Variants in ACTN1 observed in about 807,000 individuals in gnomAD.
The protein encoded by ACTN1 is alpha-actinin-1.
Under a neutral mutation model 119.6 loss-of-function variants are expected in ACTN1, and 30 were observed. That is an observed-to-expected ratio of 0.25 (90% CI 0.19 to 0.34). The LOEUF (loss-of-function observed/expected upper bound fraction) is 0.34, where lower values mean the gene tolerates loss of function less well. Among genes scored for constraint, ACTN1 ranks in the 10% least tolerant of loss-of-function variants. The pLI is 1.00. For missense variants in ACTN1, 764 were observed against 1,223.4 expected (o/e 0.62, Z 5.60); for synonymous variants, 429 against 472.6 (o/e 0.91, Z 1.20).
Position 68,950,462 on chromosome 14 carries a change from G to GTGTGTATATATGTGTATATATATATA in ACTN1, c.106-24791_106-24790insTATATATATATACACATATATACACA. Among the ~76,000 whole-genome samples, 12 of 125,910 alleles carry GTGTGTATATATGTGTATATATATATA rather than the reference G, an allele frequency of 9.5e-5. 1 individual carries two copies. The highest frequency in any genetic ancestry group is 4.5e-4 in the African/African-American group (11 of 24,284). The allele number at this position is 125,910 out of a possible 152,430, so 82.6% of individuals were successfully genotyped here. A position where few individuals can be genotyped will look rare whatever the true frequency, so the allele number is the denominator to read the frequency against. On this transcript the variant is annotated intron_variant, in intron 1 of 21. Transcript: ENST00000394419. ...TTTACCATAATATATATGCGTGTGT[G>GTGTGTATATATGTGTATATATATATA]TATATATATATATATAAATCAAACA...
At chr14:68,939,837 C>G (rs1374131311) in intron 1 of ACTN1, among the ~76,000 whole-genome samples, 1 of 152,160 alleles carries the variant, frequency 6.6e-6, no homozygotes, top group Non-Finnish European at 1.5e-5. Flanking sequence ...TGTTCCAGGA[C>G]CCCGCTAAGC....
rs114483817 is a variant in ACTN1 at position 68,926,203 on chromosome 14, G to A, written c.106-531C>T. On this transcript the variant is annotated intron_variant, in intron 1 of 21. Transcript: ENST00000394419. ...TTCAGATGCAGGGTGTCAGGACAAG[G>A]GAGAAGAGTAAGCACCCCAATGTGT... 7.1e-3 allele frequency among the ~76,000 whole-genome samples: 1,083 copies of A among 152,328 alleles called. 8 individuals carry two copies. Among genetic ancestry groups the A allele is most frequent in the African/African-American group, 0.024 (1,013 of 41,564 alleles).
intron 1 of ACTN1, among the ~76,000 whole-genome samples, chr14:68,931,416 G>A (rs2035215972): frequency 6.6e-6 from 1 of 152,210 alleles, no homozygotes; most frequent in African/African-American, 2.4e-5. Context: ...CCCTTTGAGG[G>A]GAACTTTGGG....
At position 68,939,768 on chromosome 14, in the gene ACTN1, A is replaced by C. The variant is rs78729034; in HGVS notation, c.106-14096T>G. 9.1e-3 allele frequency among the ~76,000 whole-genome samples: 1,391 copies of C among 152,332 alleles called. 24 individuals are homozygous for C. The highest frequency in any genetic ancestry group is 0.032 in the African/African-American group (1,316 of 41,578). On this transcript the variant is annotated intron_variant, in intron 1 of 21. Coordinates refer to ENST00000394419, the MANE Select transcript of ACTN1 (RefSeq NM_001130004.2). Reference sequence around the variant, plus strand: ...ACCATGAAGTTGTATAAATGGGTTAATTGTATGGGTATGTGAATGACATCT... The same window carrying C: ...ACCATGAAGTTGTATAAATGGGTTACTTGTATGGGTATGTGAATGACATCT...
chr14:68,944,730 T>C (rs1341209745), intron 1 of ACTN1, among the ~76,000 whole-genome samples: 1 of 151,422 alleles, frequency 6.6e-6, no homozygotes, highest in Non-Finnish European at 1.5e-5. Flanking sequence ...GGCTGGGGAG[T>C]ATTAGATGAA....
At chr14:68,947,089 C>T (rs1323901084) in intron 1 of ACTN1, among the ~76,000 whole-genome samples, 1 of 152,228 alleles carries the variant, frequency 6.6e-6, no homozygotes, top group Non-Finnish European at 1.5e-5. Flanking sequence ...CCCAGACTGG[C>T]CCGATTATAA....
At chr14:68,949,629 A>G (rs8010531) in intron 1 of ACTN1, among the ~76,000 whole-genome samples, 50,394 of 152,164 alleles carry the variant, frequency 0.33, 10,565 homozygotes, top group African/African-American at 0.6. Context: ...ATTAAATGCA[A>G]GGACTCAAAC....
Position 68,879,116 on chromosome 14 carries a change from G to A in ACTN1, c.2281-47C>T, listed in dbSNP as rs1300904571. The A allele has an allele frequency of 6.4e-7, 1 of 1,561,310 alleles. No homozygotes were observed. The highest frequency in any genetic ancestry group is 8.7e-7 in the Non-Finnish European group (1 of 1,154,016). Reference sequence around the variant, plus strand: ...CAGCGAGCCATGCGGTGTCAGGGAGGTGGAGCCGTGAGGGGGGCATGCCCC... The same window carrying A: ...CAGCGAGCCATGCGGTGTCAGGGAGATGGAGCCGTGAGGGGGGCATGCCCC... On this transcript the variant is annotated intron_variant, in intron 18 of 21. Transcript: ENST00000394419. This position sits in a 1 kb window ranked among gnomAD's most constrained non-coding sequence, Gnocchi z 4.9.
rs1211328818 is a variant in ACTN1, at chr14:68,898,986, TCACACCA to T, written c.762+3484_762+3490del. ...ACACACACACCACACACGCCACACC[TCACACCA>T]CACACACCCTACACCTCACACCCAC... On this transcript the variant is annotated intron_variant, in intron 8 of 21. Transcript: ENST00000394419. Among the ~76,000 whole-genome samples, 121 of 106,148 alleles carry T rather than the reference TCACACCA, an allele frequency of 1.1e-3. 1 individual carries two copies. The highest frequency in any genetic ancestry group is 6.7e-3 in the Middle Eastern group (1 of 150). 69.6% of individuals were successfully genotyped at this position (106,148 alleles called of 152,430 possible).
chr14:68,898,396 C>T (rs534461515), intron 8 of ACTN1, among the ~76,000 whole-genome samples: 53 of 152,354 alleles, frequency 3.5e-4, no homozygotes, highest in Non-Finnish European at 6.3e-4. Context: ...TTATACAGCA[C>T]GTGCCTGTAC....
At chr14:68,962,152 G>A (rs2036561342) in intron 1 of ACTN1, among the ~76,000 whole-genome samples, 1 of 152,204 alleles carries the variant, frequency 6.6e-6, no homozygotes, top group Non-Finnish European at 1.5e-5. Flanking sequence ...TGCCAGAATG[G>A]CTGGCAGCTG....
chr14:68,948,559 A>C (rs2036020473), intron 1 of ACTN1, among the ~76,000 whole-genome samples: 1 of 152,120 alleles, frequency 6.6e-6, no homozygotes, highest in South Asian at 2.1e-4. Flanking sequence ...GCCTGGGCAA[A>C]ACAGCAAGAC....
intron 1 of ACTN1, among the ~76,000 whole-genome samples, chr14:68,952,088 G>A (rs1210732426): frequency 2.0e-5 from 3 of 152,236 alleles, no homozygotes; most frequent in African/African-American, 7.2e-5. Flanking sequence ...CAAGCTGAGA[G>A]CTGAGGGAGG....
intron 8 of ACTN1, among the ~76,000 whole-genome samples, chr14:68,901,432 G>A (rs976500727): frequency 2.6e-5 from 4 of 152,042 alleles, no homozygotes; most frequent in Non-Finnish European, 4.4e-5. Context: ...ATTTTTAGTA[G>A]AGACGGGGTT....
Position 68,909,065 on chromosome 14 carries a change from C to T in ACTN1, c.594+253G>A, listed in dbSNP as rs2033838110. 6.6e-6 allele frequency among the ~76,000 whole-genome samples: 1 copy of T among 152,210 alleles called. No individual in the cohort carries two copies. Among genetic ancestry groups the T allele is most frequent in the African/African-American group, 2.4e-5 (1 of 41,442 alleles). ...TCCATCCCTCTGACAAAGCTGCTGTCACAGCTGTGATATTTTCCTGATGGG... is the reference window on the plus strand; with the variant it reads ...TCCATCCCTCTGACAAAGCTGCTGTTACAGCTGTGATATTTTCCTGATGGG... On this transcript the variant is annotated intron_variant, in intron 6 of 21. Coordinates refer to ENST00000394419, the MANE Select transcript of ACTN1 (RefSeq NM_001130004.2). This position sits in a 1 kb window ranked among gnomAD's most constrained non-coding sequence, Gnocchi z 4.1.
intron 11 of ACTN1, among the ~76,000 whole-genome samples, chr14:68,889,611 A>G (rs1169482515): frequency 6.6e-6 from 1 of 152,224 alleles, no homozygotes; most frequent in East Asian, 1.9e-4. Flanking sequence ...CCCGACCAAC[A>G]TGGTGAAACT....
intron 16 of ACTN1, among the ~76,000 whole-genome samples, chr14:68,881,719 C>T (rs1205401543): frequency 1.3e-5 from 2 of 152,150 alleles, no homozygotes; most frequent in African/African-American, 2.4e-5. Context: ...TGCTAAAGCA[C>T]CCCACTATCT....
At chr14:68,895,546 G>A (rs1228917472) in intron 8 of ACTN1, among the ~76,000 whole-genome samples, 1 of 152,182 alleles carries the variant, frequency 6.6e-6, no homozygotes, top group South Asian at 2.1e-4. Flanking sequence ...GGGCTGCAGA[G>A]AGACCCGCGT....
intron 1 of ACTN1, among the ~76,000 whole-genome samples, chr14:68,939,100 C>T (rs577235942): frequency 6.6e-6 from 1 of 152,316 alleles, no homozygotes; most frequent in East Asian, 1.9e-4. Context: ...TCTGGCCTCC[C>T]TGCCATCCAA....
Sources: gnomAD v4.1 joint callset for allele counts (sites outside exome capture counted in the v4.1 genomes callset) on GRCh38, gnomAD v4.1.1 for gene constraint, Gnocchi (gnomAD v3.1) non-coding constraint, MANE v1.5 for transcripts, NCBI Gene and HGNC (gene_info 2026-07-23, HGNC 2026-07-21) for gene names.